The following NRDC variants were observed in gnomAD, a reference collection of about 807,000 sequenced individuals.
NRDC encodes nardilysin convertase.
NRDC carries 54 observed loss-of-function variants against 147.1 expected under a neutral mutation model. That is an observed-to-expected ratio of 0.37 (90% CI 0.29 to 0.46). NRDC has a LOEUF of 0.46. Among genes scored for constraint, NRDC ranks in the 20% least tolerant of loss-of-function variants. NRDC has a pLI of 1.00. For missense variants in NRDC, 1,082 were observed against 1,370.6 expected (o/e 0.79, Z 3.33); for synonymous variants, 440 against 482.1 (o/e 0.91, Z 1.14).
chr1:51,819,751 G>C, intron 9 of NRDC, 49 bp downstream of exon 9: 2 of 1,421,796 alleles, frequency 1.4e-6, no homozygotes, highest in Non-Finnish European at 2.0e-6. Context: ...AGGTTATAGA[G>C]AATGTGCTAA....
At chr1:51,845,270 G>A (rs1251475481) in intron 1 of NRDC, among the ~76,000 whole-genome samples, 1 of 152,134 alleles carries the variant, frequency 6.6e-6, no homozygotes, top group Non-Finnish European at 1.5e-5. Flanking sequence ...GTGCCCGACT[G>A]CTCTACCTCT....
At chr1:51,798,489 A>G (rs890586826) in intron 21 of NRDC, 78 bp from the exon 22 acceptor site, 3 of 1,206,772 alleles carry the variant, frequency 2.5e-6, no homozygotes, top group Non-Finnish European at 3.5e-6. Flanking sequence ...ATGTTTGGTC[A>G]AAGTTCTATA....
chr1:51,812,108 G>A lies in NRDC; in HGVS notation c.1675-10C>T. The A allele has an allele frequency of 6.3e-7, 1 of 1,587,004 alleles. No homozygotes were observed. Among genetic ancestry groups the A allele is most frequent in the Non-Finnish European group, 8.7e-7 (1 of 1,155,880 alleles). On this transcript the variant is annotated splice_polypyrimidine_tract_variant and intron_variant, in intron 14 of 30. Coordinates refer to ENST00000352171, the MANE Select transcript of NRDC (RefSeq NM_001101662.2). ...ACTCAACTGGATCTGTCTGTAAAGA[G>A]GTAAATTATTTCACACCAGAACTTC...
intron 2 of NRDC, chr1:51,837,340 T>C: frequency 1.5e-6 from 1 of 687,132 alleles, no homozygotes; most frequent in Non-Finnish European, 2.2e-6. Flanking sequence ...AATGAGTGTG[T>C]TTTCAGAAGA....
At chr1:51,836,296 G>A (rs1432945602) in intron 2 of NRDC, 84 bp from the exon 3 acceptor site, 1 of 1,580,336 alleles carries the variant, frequency 6.3e-7, no homozygotes, top group African/African-American at 1.3e-5. Context: ...TTCATTTGGA[G>A]ATGGATGTTT....
At chr1:51,819,998 A>C (rs987346914) in intron 8 of NRDC, 125 bp from the exon 9 acceptor site, 4 of 700,852 alleles carry the variant, frequency 5.7e-6, no homozygotes, top group African/African-American at 5.4e-5. Context: ...AAAGCATTCC[A>C]GGCATGAACA....
intron 1 of NRDC, among the ~76,000 whole-genome samples, chr1:51,866,380 T>C (rs531809220): frequency 4.6e-5 from 7 of 152,170 alleles, no homozygotes; most frequent in African/African-American, 1.7e-4. Context: ...TAAAAATGAG[T>C]ATGCCCAGTC....
At chr1:51,789,720 C>A in intron 29 of NRDC, 63 bp from the exon 30 acceptor site, 1 of 1,166,570 alleles carries the variant, frequency 8.6e-7, no homozygotes, top group East Asian at 2.3e-5. Flanking sequence ...AAACCTAACC[C>A]CCAGGCAGAT....
intron 1 of NRDC, among the ~76,000 whole-genome samples, chr1:51,874,369 C>G (rs1310027988): frequency 6.6e-6 from 1 of 152,058 alleles, no homozygotes; most frequent in Non-Finnish European, 1.5e-5. Context: ...GTAATCCCAG[C>G]ACTATGGGAG....
intron 1 of NRDC, among the ~76,000 whole-genome samples, chr1:51,857,585 T>C (rs1682315565): frequency 6.6e-6 from 1 of 152,210 alleles, no homozygotes; most frequent in Non-Finnish European, 1.5e-5. Context: ...TGGTAAGTTC[T>C]CGCTGAGATT....
chr1:51,836,158 G>C lies in NRDC; in HGVS notation c.685C>G (p.Pro229Ala). Residue 229 changes from proline (P) to alanine (A), a missense_variant, in exon 3 of 31, where the codon CCG becomes GCG. By Grantham distance (27) the Pro-to-Ala change is conservative (BLOSUM62 -1). Coordinates refer to ENST00000352171, the MANE Select transcript of NRDC (RefSeq NM_001101662.2). Reference protein sequence around the residue: ...VGSFADPDDLPGLAHFLEHMV... With the variant: ...VGSFADPDDLAGLAHFLEHMV... ...TGCTCCAAAAAGTGTGCCAGCCCCGGCAGGTCATCTGGATCAGCGAAACTC... is the reference window on the plus strand; with the variant it reads ...TGCTCCAAAAAGTGTGCCAGCCCCGCCAGGTCATCTGGATCAGCGAAACTC... The C allele has an allele frequency of 6.2e-7, 1 of 1,614,132 alleles. No homozygotes were observed. Among genetic ancestry groups the C allele is most frequent in the Non-Finnish European group, 8.5e-7 (1 of 1,180,012 alleles).
intron 1 of NRDC, among the ~76,000 whole-genome samples, chr1:51,862,596 C>T (rs1682596502): frequency 6.6e-6 from 1 of 151,556 alleles, no homozygotes; most frequent in Non-Finnish European, 1.5e-5. Context: ...TGGTAACACA[C>T]ACTTGTGGTG....
At chr1:51,845,733 G>T (rs1052680264) in intron 1 of NRDC, among the ~76,000 whole-genome samples, 4 of 152,042 alleles carry the variant, frequency 2.6e-5, no homozygotes, top group East Asian at 1.9e-4. Context: ...ATCATTACTT[G>T]ATTTTATTTT....
chr1:51,792,355 A>C, intron 25 of NRDC, 22 bp downstream of exon 25: 5 of 1,613,354 alleles, frequency 3.1e-6, no homozygotes, highest in Non-Finnish European at 4.2e-6. Context: ...TGAAAACCTC[A>C]GCATCTCCTT....
intron 27 of NRDC, 109 bp from the exon 28 acceptor site, chr1:51,791,099 T>C (rs1293266915): frequency 2.2e-5 from 16 of 738,998 alleles, no homozygotes; most frequent in African/African-American, 8.8e-5. Flanking sequence ...CTAAGACATA[T>C]ATCCAGGAAA....
chr1:51,837,252 T>C (rs1434701250), intron 2 of NRDC, among the ~76,000 whole-genome samples: 1 of 152,232 alleles, frequency 6.6e-6, no homozygotes, highest in East Asian at 1.9e-4. Context: ...CAGATTGTTT[T>C]AATAAACAGT....
At chr1:51,856,630 C>A (rs565072232) in intron 1 of NRDC, among the ~76,000 whole-genome samples, 1 of 152,110 alleles carries the variant, frequency 6.6e-6, no homozygotes, top group African/African-American at 2.4e-5. Flanking sequence ...TGCAGGCCAC[C>A]CTCCAAGAAC....
At chr1:51,800,122 G>A (rs1324006073) in intron 21 of NRDC, among the ~76,000 whole-genome samples, 3 of 152,072 alleles carry the variant, frequency 2.0e-5, no homozygotes, top group East Asian at 3.9e-4. Context: ...CTACAGGCAT[G>A]TGCCACCACA....
In NRDC at chr1:51,794,624, A is replaced by T; in HGVS notation, c.2637-14T>A. 6.2e-7 allele frequency: 1 copy of T among 1,613,228 alleles called. No homozygotes were observed. Among genetic ancestry groups the T allele is most frequent in the Non-Finnish European group, 8.5e-7 (1 of 1,179,186 alleles). Reference sequence around the variant, plus strand: ...AAGTTTAGTTTGCTGCAAGAGAATCAGTATGGGTCACTGAGGCACCCAAAA... The same window carrying T: ...AAGTTTAGTTTGCTGCAAGAGAATCTGTATGGGTCACTGAGGCACCCAAAA... On this transcript the variant is annotated splice_polypyrimidine_tract_variant and intron_variant, in intron 23 of 30. Coordinates refer to ENST00000352171, the MANE Select transcript of NRDC (RefSeq NM_001101662.2).
Sources: allele counts gnomAD v4.1 joint callset (sites outside exome capture counted in the v4.1 genomes callset), GRCh38; gene constraint gnomAD v4.1.1; transcripts MANE v1.5; gene names NCBI Gene and HGNC (gene_info 2026-07-23, HGNC 2026-07-21).